The following RORA variants were observed in gnomAD, a reference collection of about 807,000 sequenced individuals.
The protein encoded by RORA is nuclear receptor ROR-alpha.
RORA carries 7 observed loss-of-function variants against 69.5 expected under a neutral mutation model. The ratio of observed to expected loss-of-function variants is 0.10; its 90% confidence interval spans 0.06 to 0.19. The LOEUF (loss-of-function observed/expected upper bound fraction) is 0.19. Among genes scored for constraint, RORA ranks in the 10% least tolerant of loss-of-function variants. The pLI is 1.00. For synonymous variants in RORA, 261 were observed against 240.8 expected (o/e 1.08, Z -0.78); for missense variants, 457 against 663.0 (o/e 0.69, Z 3.41).
intron 2 of RORA, among the ~76,000 whole-genome samples, chr15:60,561,759 A>C (rs1056437406): frequency 2.0e-5 from 3 of 152,122 alleles, no homozygotes; most frequent in African/African-American, 7.2e-5. Context: ...TAAGTGATGC[A>C]AAATTTATCA....
At chr15:60,552,139 G>A (rs1378182328) in intron 2 of RORA, among the ~76,000 whole-genome samples, 1 of 152,320 alleles carries the variant, frequency 6.6e-6, no homozygotes, top group East Asian at 1.9e-4. Context: ...AGTTATCAGG[G>A]AGAGAAGGGC....
chr15:60,819,419 C>T (rs1426589238), intron 1 of RORA, among the ~76,000 whole-genome samples: 1 of 152,166 alleles, frequency 6.6e-6, no homozygotes, highest in African/African-American at 2.4e-5. Context: ...ATACATCTCT[C>T]CTGAAAATAC....
At chr15:60,581,008 C>G (rs1318181440) in intron 2 of RORA, among the ~76,000 whole-genome samples, 1 of 152,226 alleles carries the variant, frequency 6.6e-6, no homozygotes, top group African/African-American at 2.4e-5. Context: ...TCAAATATAA[C>G]TACAGCACCC....
At chr15:60,891,094 C>T (rs1373578548) in intron 1 of RORA, among the ~76,000 whole-genome samples, 1 of 152,230 alleles carries the variant, frequency 6.6e-6, no homozygotes, top group East Asian at 1.9e-4. Flanking sequence ...CAGAATTCTG[C>T]TGTTAGAATC....
chr15:61,172,686 T>C (rs1395932134), intron 1 of RORA, among the ~76,000 whole-genome samples: 1 of 152,154 alleles, frequency 6.6e-6, no homozygotes, highest in Non-Finnish European at 1.5e-5. Flanking sequence ...AATGGGAAAA[T>C]CGCCCAAAGT....
intron 1 of RORA, among the ~76,000 whole-genome samples, chr15:60,785,479 G>C (rs1489431743): frequency 6.6e-6 from 1 of 152,198 alleles, no homozygotes; most frequent in Non-Finnish European, 1.5e-5. Flanking sequence ...GTAACTGCCA[G>C]GACAATCTCA....
At chr15:60,714,284 C>A (rs1429590697) in intron 1 of RORA, among the ~76,000 whole-genome samples, 1 of 152,058 alleles carries the variant, frequency 6.6e-6, no homozygotes, top group Admixed American at 6.5e-5. Context: ...GTCTCCAACT[C>A]CTGACCCCAG....
chr15:60,920,029 A>G (rs1245476666), intron 1 of RORA, among the ~76,000 whole-genome samples: 2 of 152,162 alleles, frequency 1.3e-5, no homozygotes, highest in South Asian at 4.1e-4. Flanking sequence ...GAGAAGGGGA[A>G]GAAGGCTCAG....
chr15:61,229,082 C>G lies in RORA; in HGVS notation c.137G>C (p.Arg46Pro), dbSNP rs1368347840. 6.5e-7 allele frequency: 1 copy of G among 1,536,768 alleles called. No individual in the cohort carries two copies. The highest frequency in any genetic ancestry group is 8.8e-7 in the Non-Finnish European group (1 of 1,141,990). ...GCTGGTGCTGGAATAGCTCTGTCTG[C>G]GCACCGGGGCAGGCGGCTCGCTCTT... ...ARKSEPPAPV[R>P]RQSYSSTSRG... Residue 46 changes from arginine to proline, a missense_variant, in exon 1 of 11, where the codon CGC becomes CCC. Physicochemically the swap from Arg to Pro is moderately radical, Grantham distance 103. Transcript: ENST00000335670.
At chr15:60,843,026 C>T (rs1363821371) in intron 1 of RORA, among the ~76,000 whole-genome samples, 2 of 152,138 alleles carry the variant, frequency 1.3e-5, no homozygotes, top group Non-Finnish European at 2.9e-5. Context: ...ACCCACCACA[C>T]CCCTCGTGAA....
chr15:60,667,537 T>C (rs1208398996), intron 2 of RORA, among the ~76,000 whole-genome samples: 1 of 152,246 alleles, frequency 6.6e-6, no homozygotes, highest in Non-Finnish European at 1.5e-5. Context: ...AAACCGATTT[T>C]TCTCCTAATT....
chr15:60,859,960 A>G (rs2073421190), intron 1 of RORA, among the ~76,000 whole-genome samples: 1 of 152,028 alleles, frequency 6.6e-6, no homozygotes, highest in Non-Finnish European at 1.5e-5. Flanking sequence ...GCCTCTTTCC[A>G]TGCACCTACC....
At position 61,190,055 on chromosome 15, in the gene RORA, C is replaced by T. The variant is rs1005149538; in HGVS notation, c.166+38998G>A. 2.0e-5 allele frequency among the ~76,000 whole-genome samples: 3 copies of T among 151,858 alleles called. No individual in the cohort carries two copies. The East Asian group carries it at 5.8e-4, about 29-fold the overall frequency. ...ATAAATGAGATTTATATCTATTGGCCTGAAGTGAAGCTCATTATATCTTTT... is the reference window on the plus strand; with the variant it reads ...ATAAATGAGATTTATATCTATTGGCTTGAAGTGAAGCTCATTATATCTTTT... On this transcript the variant is annotated intron_variant, in intron 1 of 10. Coordinates refer to ENST00000335670, the MANE Select transcript of RORA (RefSeq NM_134261.3).
chr15:61,028,872 C>T (rs72754756), intron 1 of RORA, among the ~76,000 whole-genome samples: 6 of 152,158 alleles, frequency 3.9e-5, no homozygotes, highest in Non-Finnish European at 7.4e-5. Context: ...GGAAAGATGC[C>T]ACAGTATTGT....
At chr15:60,939,776 G>T (rs1240984908) in intron 1 of RORA, among the ~76,000 whole-genome samples, 1 of 152,196 alleles carries the variant, frequency 6.6e-6, no homozygotes, top group African/African-American at 2.4e-5. Context: ...CTGTACCCCT[G>T]CAATGTTTAT....
At chr15:60,911,649 C>T (rs905059522) in intron 1 of RORA, among the ~76,000 whole-genome samples, 2 of 150,354 alleles carry the variant, frequency 1.3e-5, no homozygotes, top group African/African-American at 2.4e-5. Context: ...CTAAGCAATT[C>T]GTTTTGGGAG....
At chr15:60,753,274 T>C (rs1013209903) in intron 1 of RORA, among the ~76,000 whole-genome samples, 1 of 152,250 alleles carries the variant, frequency 6.6e-6, no homozygotes, top group African/African-American at 2.4e-5. Context: ...TTACCCAAGA[T>C]AGCAGATATT....
At chr15:60,788,977 T>A (rs1373403597) in intron 1 of RORA, among the ~76,000 whole-genome samples, 1 of 152,176 alleles carries the variant, frequency 6.6e-6, no homozygotes, top group Non-Finnish European at 1.5e-5. Flanking sequence ...CTGACAGACC[T>A]ACAAAGCGTT....
chr15:60,790,763 A>T (rs2072403697), intron 1 of RORA, among the ~76,000 whole-genome samples: 1 of 152,194 alleles, frequency 6.6e-6, no homozygotes, highest in Admixed American at 6.5e-5. Flanking sequence ...TGGATATGTA[A>T]TGCACAGCGC....
Sources: allele counts gnomAD v4.1 joint callset (sites outside exome capture counted in the v4.1 genomes callset), GRCh38; gene constraint gnomAD v4.1.1; transcripts MANE v1.5; gene names NCBI Gene and HGNC (gene_info 2026-07-23, HGNC 2026-07-21).